The following FHIP1A variants were observed in gnomAD, a reference collection of about 807,000 sequenced individuals.
FHIP1A encodes FHF complex subunit HOOK interacting protein 1A.
A neutral mutation model predicts 88.6 loss-of-function variants in FHIP1A; 61 were observed. The observed-to-expected ratio is 0.69, with a 90% confidence interval of 0.56 to 0.85. The LOEUF is 0.85. Ranked by LOEUF, FHIP1A falls within the 40% of genes least tolerant of loss-of-function variation. The probability of loss-of-function intolerance (pLI) is 0.00; values close to 1 mark genes in which losing one functional copy is unlikely to be tolerated. For synonymous variants in FHIP1A, 478 were observed against 496.0 expected (o/e 0.96, Z 0.48); for missense variants, 1,154 against 1,273.5 (o/e 0.91, Z 1.43).
Position 151,656,275 on chromosome 4 carries a change from G to A in FHIP1A, c.2595G>A (p.Leu865=), listed in dbSNP as rs1737230078. ...SVVLSKLENM[L]ENSLHVNLLL... is the part of the protein sequence containing the mutation. ...TCCTGTCAAAGCTGGAGAACATGCTGGAGAACTCTTTACATGTTAATTTGC... is the reference window on the plus strand; with the variant it reads ...TCCTGTCAAAGCTGGAGAACATGCTAGAGAACTCTTTACATGTTAATTTGC... Residue 865 remains leucine, a synonymous_variant, in exon 12 of 14, where the codon CTG becomes CTA. Transcript: ENST00000435205. This position sits in a 1 kb window ranked among gnomAD's most constrained non-coding sequence, Gnocchi z 4.2. The A allele has an allele frequency of 6.4e-7, 1 of 1,551,622 alleles. No homozygotes were observed. Among genetic ancestry groups the A allele is most frequent in the South Asian group, 1.2e-5 (1 of 84,056 alleles).
At chr4:151,572,501 C>T (rs1276494921) in intron 4 of FHIP1A, among the ~76,000 whole-genome samples, 2 of 152,114 alleles carry the variant, frequency 1.3e-5, no homozygotes, top group African/African-American at 2.4e-5. Context: ...TAGAGGTCTC[C>T]CTGTGGAAAC....
At chr4:151,514,934 A>T (rs1161922490) in intron 3 of FHIP1A, among the ~76,000 whole-genome samples, 1 of 152,190 alleles carries the variant, frequency 6.6e-6, no homozygotes, top group Admixed American at 6.5e-5. Flanking sequence ...AAAAGAGGGA[A>T]TCCTCCCTAA....
intron 5 of FHIP1A, among the ~76,000 whole-genome samples, 174 bp downstream of exon 5, chr4:151,578,250 G>A (rs767898843): frequency 6.6e-6 from 1 of 152,124 alleles, no homozygotes; most frequent in Admixed American, 6.5e-5. Context: ...AAGTTGAGAC[G>A]CTATTTGGCT....
chr4:151,523,081 T>C (rs899698010), intron 3 of FHIP1A, among the ~76,000 whole-genome samples: 3 of 152,234 alleles, frequency 2.0e-5, no homozygotes, highest in African/African-American at 7.2e-5. Flanking sequence ...AGTCCCTTTG[T>C]TGCTATGGTA....
intron 7 of FHIP1A, among the ~76,000 whole-genome samples, chr4:151,609,219 T>G (rs1735201188): frequency 6.6e-6 from 1 of 152,334 alleles, no homozygotes; most frequent in East Asian, 1.9e-4. Flanking sequence ...TCTGACCCAG[T>G]CCTGCCAAAT....
At chr4:151,451,921 A>T (rs1237256450) in intron 1 of FHIP1A, among the ~76,000 whole-genome samples, 2 of 151,730 alleles carry the variant, frequency 1.3e-5, no homozygotes, top group African/African-American at 4.8e-5. Flanking sequence ...CCTGGGCCCA[A>T]GAGATCTTCC....
At chr4:151,555,752 G>C (rs1560766266) in intron 3 of FHIP1A, among the ~76,000 whole-genome samples, 1 of 152,144 alleles carries the variant, frequency 6.6e-6, no homozygotes, top group African/African-American at 2.4e-5. Flanking sequence ...TTGATAGACT[G>C]TTGATTTGAC....
At chr4:151,634,243 A>G (rs563494780) in intron 8 of FHIP1A, among the ~76,000 whole-genome samples, 1 of 151,982 alleles carries the variant, frequency 6.6e-6, no homozygotes, top group Admixed American at 6.6e-5. Context: ...TGAAAACTAC[A>G]AAACATTGAA....
intron 3 of FHIP1A, among the ~76,000 whole-genome samples, chr4:151,549,517 A>C: frequency 6.7e-6 from 1 of 149,286 alleles, no homozygotes. Flanking sequence ...AAAAATAGTT[A>C]CCCTATATGG....
intron 3 of FHIP1A, among the ~76,000 whole-genome samples, chr4:151,513,061 G>T (rs1242430893): frequency 1.9e-4 from 29 of 152,302 alleles, no homozygotes; most frequent in Non-Finnish European, 3.5e-4. Flanking sequence ...AGAAAGGTCA[G>T]GTTACCCTCA....
chr4:151,424,969 A>G (rs1359885216), intron 1 of FHIP1A, among the ~76,000 whole-genome samples: 10 of 152,232 alleles, frequency 6.6e-5, no homozygotes, highest in Non-Finnish European at 1.5e-4. Context: ...GAGAATGGAC[A>G]TCAGTAGCTG....
chr4:151,526,012 G>A (rs894585778), intron 3 of FHIP1A, among the ~76,000 whole-genome samples: 5 of 152,066 alleles, frequency 3.3e-5, no homozygotes, highest in African/African-American at 9.6e-5. Flanking sequence ...ATCTTGCACC[G>A]CCCTTAATCC....
At chr4:151,468,981 A>G (rs538980361) in intron 2 of FHIP1A, among the ~76,000 whole-genome samples, 1 of 152,174 alleles carries the variant, frequency 6.6e-6, no homozygotes, top group Admixed American at 6.5e-5. Flanking sequence ...TGGGATCCCA[A>G]GAACCACCCC....
Position 151,545,369 on chromosome 4 carries a change from C to CTTTTTTTTTTTTTTTTT in FHIP1A, c.-122-20759_-122-20743dup, listed in dbSNP as rs569126288. 2.4e-4 allele frequency among the ~76,000 whole-genome samples: 20 copies of CTTTTTTTTTTTTTTTTT among 81,684 alleles called. 4 individuals carry two copies. The highest frequency in any genetic ancestry group is 1.0e-3 in the African/African-American group (20 of 19,654). The allele number at this position is 81,684 out of a possible 152,430, so 53.6% of individuals were successfully genotyped here. A position where few individuals can be genotyped will look rare whatever the true frequency, so the allele number is the denominator to read the frequency against. ...CAAGGCAAAATATTTCCTTATCCTTCTTTTTTTTTTTTTTTTTTTTTTTTT... is the reference window on the plus strand; with the variant it reads ...CAAGGCAAAATATTTCCTTATCCTTCTTTTTTTTTTTTTTTTTTTTTTTTTTTTTTTTTTTTTTTTTT... On this transcript the variant is annotated intron_variant, in intron 3 of 13. Transcript: ENST00000435205.
intron 3 of FHIP1A, among the ~76,000 whole-genome samples, chr4:151,492,623 A>G (rs1730324881): frequency 6.6e-6 from 1 of 151,668 alleles, no homozygotes; most frequent in Non-Finnish European, 1.5e-5. Flanking sequence ...TTGCAATTAT[A>G]TCAAGTACTC....
chr4:151,479,755 A>G (rs1434814753), intron 2 of FHIP1A, among the ~76,000 whole-genome samples: 2 of 152,028 alleles, frequency 1.3e-5, no homozygotes, highest in African/African-American at 4.8e-5. Context: ...ACCCCAACAA[A>G]GTGTTCATTT....
rs191224923 is a variant in FHIP1A, at chr4:151,549,784, G to A, written c.-122-16354G>A. 5.3e-5 allele frequency among the ~76,000 whole-genome samples: 8 copies of A among 152,170 alleles called. No individual in the cohort carries two copies. In the East Asian group the frequency reaches 1.5e-3, roughly 29 times the overall value. On this transcript the variant is annotated intron_variant, in intron 3 of 13. Coordinates refer to ENST00000435205, the MANE Select transcript of FHIP1A (RefSeq NM_001109977.3). ...ATCCAAGAGCCCTCTCTTGGGATCT[G>A]GATCGGGACCCCTTTCTGGTAAGTT...
At chr4:151,472,349 C>A (rs568562229) in intron 2 of FHIP1A, among the ~76,000 whole-genome samples, 2 of 151,956 alleles carry the variant, frequency 1.3e-5, no homozygotes, top group East Asian at 3.9e-4. Context: ...TCACATAATA[C>A]AAACACTATG....
chr4:151,550,220 T>G (rs1236681062), intron 3 of FHIP1A, among the ~76,000 whole-genome samples: 1 of 152,168 alleles, frequency 6.6e-6, no homozygotes, highest in African/African-American at 2.4e-5. Flanking sequence ...CCTCAAACAT[T>G]CATCCTTCAT....
Sources: gnomAD v4.1 joint callset for allele counts (sites outside exome capture counted in the v4.1 genomes callset) on GRCh38, gnomAD v4.1.1 for gene constraint, Gnocchi (gnomAD v3.1) non-coding constraint, MANE v1.5 for transcripts, NCBI Gene and HGNC (gene_info 2026-07-23, HGNC 2026-07-21) for gene names.